Variants in MS4A14 observed in about 807,000 individuals in gnomAD.
The protein encoded by MS4A14 is membrane-spanning 4-domains subfamily A member 14.
Under a neutral mutation model 16.7 loss-of-function variants are expected in MS4A14, and 18 were observed. That is an observed-to-expected ratio of 1.08 (90% CI 0.75 to 1.60). MS4A14 has a LOEUF of 1.60. Among genes scored for constraint, MS4A14 ranks in the 40% most tolerant of loss-of-function variants. The pLI, the probability that MS4A14 is intolerant of heterozygous loss-of-function variation, is 0.00. For missense variants in MS4A14, 812 were observed against 775.3 expected (o/e 1.05, Z -0.56); for synonymous variants, 305 against 289.4 (o/e 1.05, Z -0.55).
intron 3 of MS4A14, among the ~76,000 whole-genome samples, chr11:60,401,780 T>C (rs955344661): frequency 6.6e-6 from 1 of 152,142 alleles, no homozygotes; most frequent in Non-Finnish European, 1.5e-5. Flanking sequence ...GGAGCCAAAA[T>C]AGAGCCTTGA....
chr11:60,408,250 T>G (rs940609978), intron 4 of MS4A14, among the ~76,000 whole-genome samples: 4 of 152,216 alleles, frequency 2.6e-5, no homozygotes, highest in African/African-American at 9.7e-5. Flanking sequence ...CGTCTATCCT[T>G]CCACGTATTC....
chr11:60,404,404 CTAGAG>C, intron 4 of MS4A14: 1 of 398,144 alleles, frequency 2.5e-6, no homozygotes, highest in South Asian at 1.9e-5. Context: ...TATACTGTGG[CTAGAG>C]TAATCATTTA....
intron 4 of MS4A14, among the ~76,000 whole-genome samples, chr11:60,414,169 T>A (rs556557410): frequency 1.6e-4 from 25 of 152,244 alleles, no homozygotes; most frequent in Middle Eastern, 6.8e-3. Context: ...AGAGAAACTA[T>A]AATTATTTCT....
At chr11:60,403,575 C>G (rs2085745919) in intron 4 of MS4A14, among the ~76,000 whole-genome samples, 1 of 152,146 alleles carries the variant, frequency 6.6e-6, no homozygotes, top group Admixed American at 6.5e-5. Context: ...AAGCTTAAGA[C>G]ATACATTATT....
chr11:60,411,399 C>T (rs942628728), intron 4 of MS4A14, among the ~76,000 whole-genome samples: 4 of 152,126 alleles, frequency 2.6e-5, no homozygotes, highest in African/African-American at 9.7e-5. Context: ...TATACGTGAA[C>T]ACAAGATGTC....
chr11:60,416,771 C>T lies in MS4A14; in HGVS notation c.1803C>T (p.Thr601=). 6.2e-7 allele frequency: 1 copy of T among 1,613,438 alleles called. No individual in the cohort carries two copies. Among genetic ancestry groups the T allele is most frequent in the Non-Finnish European group, 8.5e-7 (1 of 1,179,802 alleles). The change falls in exon 5 of 5, where the codon ACC becomes ACT. Residue 601 remains threonine, a synonymous_variant. Transcript: ENST00000300187. The stretch of plus-strand genomic sequence containing the variant: ...AGGAGCAAAACTCAAAGAAGCAAAC[C>T]CAGGATCAGCAAACTGAAGACCAGC... The part of the protein sequence containing the change: ...TDKEQNSKKQ[T]QDQQTEDQPA...
chr11:60,412,836 T>G (rs1838092), intron 4 of MS4A14, among the ~76,000 whole-genome samples: 21,669 of 151,968 alleles, frequency 0.14, 1,970 homozygotes, highest in East Asian at 0.22. Context: ...CTAGGTCATA[T>G]GAATTTCCAC....
intron 1 of MS4A14, 85 bp from the exon 2 acceptor site, chr11:60,397,767 C>T (rs1483761312): frequency 2.9e-6 from 4 of 1,358,514 alleles, no homozygotes; most frequent in Non-Finnish European, 4.1e-6. Context: ...AAAGGTGTGC[C>T]ATGGAGGCAC....
rs1320255602 is a variant in MS4A14, at chr11:60,400,433, C to T, written c.297C>T (p.Thr99=). ...IFILTGYLTV[T]DKKSKLLGQG... ...TTCTTACAGGATACCTCACAGTAAC[C>T]GATAAGAAATCAAAACTTCTGGTAA... is the stretch of plus-strand genomic sequence containing the variant. The change falls in exon 3 of 5, where the codon ACC becomes ACT. Residue 99 remains threonine, a synonymous_variant. Coordinates refer to ENST00000300187, the MANE Select transcript of MS4A14 (RefSeq NM_032597.5). 1.3e-5 allele frequency: 21 copies of T among 1,605,872 alleles called. 1 individual carries two copies. The highest frequency in any genetic ancestry group is 4.0e-5 in the African/African-American group (3 of 74,696).
intron 1 of MS4A14, 60 bp from the exon 2 acceptor site, chr11:60,397,792 G>T (rs554786023): frequency 6.4e-6 from 10 of 1,568,332 alleles, no homozygotes; most frequent in South Asian, 1.2e-5. Flanking sequence ...TGAGGGACGT[G>T]GGGTAGCCCA....
intron 4 of MS4A14, among the ~76,000 whole-genome samples, chr11:60,409,101 AT>A (rs1319819704): frequency 6.6e-6 from 1 of 152,214 alleles, no homozygotes; most frequent in Non-Finnish European, 1.5e-5. Flanking sequence ...TGATCAAATC[AT>A]GGTAATTACC....
Position 60,396,527 on chromosome 11 carries a change from G to T in MS4A14, c.-52G>T. Reference sequence around the variant, plus strand: ...CTGGTGGAGAGGTAGATCATGATTTGGGCGGCAATGTTTGCTCACTCTTTC... The same window carrying T: ...CTGGTGGAGAGGTAGATCATGATTTTGGCGGCAATGTTTGCTCACTCTTTC... On this transcript the variant is annotated 5_prime_UTR_variant, in exon 1 of 5. Coordinates refer to ENST00000300187, the MANE Select transcript of MS4A14 (RefSeq NM_032597.5). 6.3e-7 allele frequency: 1 copy of T among 1,590,470 alleles called. No homozygotes were observed. The highest frequency in any genetic ancestry group is 2.2e-5 in the East Asian group (1 of 44,658).
At chr11:60,405,077 C>T (rs972149551) in intron 4 of MS4A14, among the ~76,000 whole-genome samples, 1 of 151,846 alleles carries the variant, frequency 6.6e-6, no homozygotes, top group African/African-American at 2.4e-5. Flanking sequence ...GGACTTTGGA[C>T]CCACTTTTTT....
At chr11:60,411,347 T>G (rs2085866583) in intron 4 of MS4A14, among the ~76,000 whole-genome samples, 1 of 152,224 alleles carries the variant, frequency 6.6e-6, no homozygotes, top group Non-Finnish European at 1.5e-5. Flanking sequence ...ATCTGTATAT[T>G]GCTTTGAGCA....
chr11:60,403,518 G>A (rs2085745126), intron 4 of MS4A14, among the ~76,000 whole-genome samples: 1 of 152,168 alleles, frequency 6.6e-6, no homozygotes, highest in African/African-American at 2.4e-5. Flanking sequence ...TCAAAATACA[G>A]TGGGGGAAGG....
rs1377220583 is a variant in MS4A14 at position 60,415,885 on chromosome 11, C to T, written c.917C>T (p.Ser306Phe). 1.9e-6 allele frequency: 3 copies of T among 1,613,798 alleles called. No homozygotes were observed. Among genetic ancestry groups the T allele is most frequent in the African/African-American group, 2.7e-5 (2 of 74,892 alleles). The change falls in exon 5 of 5, where the codon TCC (serine) becomes TTC (phenylalanine). Residue 306 changes from serine (S) to phenylalanine (F), a missense_variant. Ser to Phe is a radical substitution (Grantham distance 155). Transcript: ENST00000300187. ...DQAASLQVFPSHSALKLEDIS... is the reference protein window; with the variant it reads ...DQAASLQVFPFHSALKLEDIS... ...GCTGCGTCACTCCAAGTTTTTCCAT[C>T]CCATTCTGCACTAAAACTCGAAGAT... is the stretch of plus-strand genomic sequence containing the variant.
Position 60,415,840 on chromosome 11 carries a change from C to T in MS4A14, c.872C>T (p.Thr291Ile). 6.2e-7 allele frequency: 1 copy of T among 1,613,884 alleles called. No homozygotes were observed. The highest frequency in any genetic ancestry group is 8.5e-7 in the Non-Finnish European group (1 of 1,179,924). ...SAIVQPSQMQ[T>I]KLLQDQAASL... ...ATTGTACAACCTTCTCAAATGCAAACCAAGCTTCTGCAGGACCAAGCTGCG... is the reference window on the plus strand; with the variant it reads ...ATTGTACAACCTTCTCAAATGCAAATCAAGCTTCTGCAGGACCAAGCTGCG... The change falls in exon 5 of 5, where the codon ACC becomes ATC. Residue 291 changes from threonine (T) to isoleucine (I), a missense_variant. Thr to Ile is a moderately conservative substitution (Grantham distance 89). Transcript: ENST00000300187.
At chr11:60,407,678 T>C (rs1381916063) in intron 4 of MS4A14, among the ~76,000 whole-genome samples, 1 of 152,226 alleles carries the variant, frequency 6.6e-6, no homozygotes, top group Non-Finnish European at 1.5e-5. Flanking sequence ...TAATGACTAA[T>C]GATGATGACA....
At chr11:60,396,868 C>G in intron 1 of MS4A14, 152 bp downstream of exon 1, 1 of 780,446 alleles carries the variant, frequency 1.3e-6, no homozygotes, top group Non-Finnish European at 1.9e-6. Flanking sequence ...TAGTACTGAT[C>G]TTTGAATCCC....
Sources: allele counts gnomAD v4.1 joint callset (sites outside exome capture counted in the v4.1 genomes callset), GRCh38; gene constraint gnomAD v4.1.1; transcripts MANE v1.5; gene names NCBI Gene and HGNC (gene_info 2026-07-23, HGNC 2026-07-21).